HS6ST3: variants seen among roughly 807,000 people sequenced by gnomAD.
HS6ST3 encodes the protein heparan sulfate 6-O-sulfotransferase 3.
HS6ST3 carries 12 observed loss-of-function variants against 36.7 expected under a neutral mutation model. The ratio of observed to expected loss-of-function variants is 0.33; its 90% CI spans 0.21 to 0.53. HS6ST3 has a LOEUF of 0.53. Ranked by LOEUF, HS6ST3 falls within the 20% of genes least tolerant of loss-of-function variation. The pLI, the probability that HS6ST3 is intolerant of heterozygous loss-of-function variation, is 0.95. For synonymous variants in HS6ST3, 240 were observed against 257.5 expected, an observed-to-expected ratio of 0.93 and a Z score of 0.65; for missense variants, 584 against 640.9, an observed-to-expected ratio of 0.91 and a Z score of 0.96.
At chr13:96,306,400 G>T (rs2054913695) in intron 1 of HS6ST3, among the ~76,000 whole-genome samples, 1 of 151,978 alleles carries the variant, frequency 6.6e-6, no homozygotes, top group Non-Finnish European at 1.5e-5. Context: ...TAGTAGACAT[G>T]GGGTTTCATC....
intron 1 of HS6ST3, among the ~76,000 whole-genome samples, chr13:96,697,189 A>G (rs772189101): frequency 1.7e-4 from 26 of 151,764 alleles, no homozygotes; most frequent in Admixed American, 5.3e-4. Context: ...GTGTGTGTGT[A>G]TATATGTATA....
intron 1 of HS6ST3, among the ~76,000 whole-genome samples, chr13:96,110,955 C>T (rs1031704868): frequency 6.6e-6 from 1 of 152,162 alleles, no homozygotes; most frequent in East Asian, 1.9e-4. Context: ...ATTCTTCCCC[C>T]ATTTGTGTCC....
intron 1 of HS6ST3, among the ~76,000 whole-genome samples, chr13:96,766,436 C>A (rs1406042946): frequency 6.6e-6 from 1 of 152,072 alleles, no homozygotes; most frequent in African/African-American, 2.4e-5. Context: ...CCCCTATTTT[C>A]TTCAGGCAGA....
At chr13:96,718,288 A>C (rs533235690) in intron 1 of HS6ST3, among the ~76,000 whole-genome samples, 1 of 152,328 alleles carries the variant, frequency 6.6e-6, no homozygotes, top group East Asian at 1.9e-4. Context: ...GTGACCTATT[A>C]AATCTATAAA....
chr13:96,495,523 G>A (rs1267898817), intron 1 of HS6ST3, among the ~76,000 whole-genome samples: 7 of 152,268 alleles, frequency 4.6e-5, no homozygotes, highest in Non-Finnish European at 1.0e-4. Context: ...GGAGTAAGTG[G>A]GGAGATTGTT....
chr13:96,757,579 C>T (rs1305795701), intron 1 of HS6ST3, among the ~76,000 whole-genome samples: 1 of 152,102 alleles, frequency 6.6e-6, no homozygotes, highest in South Asian at 2.1e-4. Context: ...TTTCAATATT[C>T]TATCACCAAA....
intron 1 of HS6ST3, among the ~76,000 whole-genome samples, chr13:96,729,058 G>A (rs186322042): frequency 2.3e-4 from 35 of 152,244 alleles, no homozygotes; most frequent in East Asian, 5.8e-4. Flanking sequence ...GCTTTCTTTC[G>A]TTGTCTAATC....
intron 1 of HS6ST3, among the ~76,000 whole-genome samples, chr13:96,494,641 GAAACATCCTGTTTCA>G (rs1371570655): frequency 6.6e-6 from 1 of 151,190 alleles, no homozygotes; most frequent in East Asian, 1.9e-4. Context: ...TAGAAAATTT[GAAACATCCTGTTTCA>G]AAACACACAC....
At chr13:96,793,870 C>T (rs1359893880) in intron 1 of HS6ST3, among the ~76,000 whole-genome samples, 2 of 151,970 alleles carry the variant, frequency 1.3e-5, no homozygotes, top group Admixed American at 1.3e-4. Flanking sequence ...TTTATTTCCA[C>T]GCCAATGCTC....
At chr13:96,790,157 A>T (rs568513365) in intron 1 of HS6ST3, among the ~76,000 whole-genome samples, 2 of 151,894 alleles carry the variant, frequency 1.3e-5, no homozygotes, top group Admixed American at 6.6e-5. Context: ...AAGTTTACTA[A>T]CTTCATTTTG....
chr13:96,479,427 A>G (rs1801289484), intron 1 of HS6ST3, among the ~76,000 whole-genome samples: 1 of 152,178 alleles, frequency 6.6e-6, no homozygotes, highest in South Asian at 2.1e-4. Context: ...CCTTGAAGCA[A>G]TGGGGAATCA....
At chr13:96,180,032 G>A (rs1159827353) in intron 1 of HS6ST3, among the ~76,000 whole-genome samples, 4 of 152,072 alleles carry the variant, frequency 2.6e-5, no homozygotes, top group Non-Finnish European at 4.4e-5. Flanking sequence ...ATGGGGTTTC[G>A]CCTTGTTGGC....
At chr13:96,638,577 C>A (rs748025784) in intron 1 of HS6ST3, among the ~76,000 whole-genome samples, 5 of 151,782 alleles carry the variant, frequency 3.3e-5, no homozygotes, top group Non-Finnish European at 7.4e-5. Flanking sequence ...CTTGTGACAG[C>A]GAGTTCTCAT....
intron 1 of HS6ST3, among the ~76,000 whole-genome samples, chr13:96,154,800 C>T (rs529814623): frequency 1.3e-5 from 2 of 152,158 alleles, no homozygotes; most frequent in South Asian, 4.1e-4. Flanking sequence ...GATCTAGTGA[C>T]ATTGATTACT....
chr13:96,681,937 A>G (rs2056719656), intron 1 of HS6ST3, among the ~76,000 whole-genome samples: 1 of 152,092 alleles, frequency 6.6e-6, no homozygotes, highest in South Asian at 2.1e-4. Context: ...CATTACCCTC[A>G]GTGCAAAGTC....
intron 1 of HS6ST3, among the ~76,000 whole-genome samples, chr13:96,419,750 T>C (rs565643199): frequency 3.9e-5 from 6 of 152,284 alleles, no homozygotes; most frequent in African/African-American, 1.2e-4. Context: ...TTTGGCCTTC[T>C]TTGGCTGTGG....
intron 1 of HS6ST3, among the ~76,000 whole-genome samples, chr13:96,736,601 T>C (rs1876290867): frequency 6.6e-6 from 1 of 152,168 alleles, no homozygotes; most frequent in South Asian, 2.1e-4. Flanking sequence ...GTAGATTTAA[T>C]TCATGTAAGT....
At chr13:96,219,135 T>C (rs1364365822) in intron 1 of HS6ST3, among the ~76,000 whole-genome samples, 1 of 151,686 alleles carries the variant, frequency 6.6e-6, no homozygotes, top group Non-Finnish European at 1.5e-5. Context: ...AGAGCCACAC[T>C]AACTCCACTA....
At chr13:96,303,276 A>T (rs2054892795) in intron 1 of HS6ST3, among the ~76,000 whole-genome samples, 1 of 152,204 alleles carries the variant, frequency 6.6e-6, no homozygotes, top group African/African-American at 2.4e-5. Context: ...GTCAAAATCC[A>T]AGTTGACTCT....
Sources: gnomAD v4.1 joint callset for allele counts (sites outside exome capture counted in the v4.1 genomes callset) on GRCh38, gnomAD v4.1.1 for gene constraint, MANE v1.5 for transcripts, NCBI Gene and HGNC (gene_info 2026-07-23, HGNC 2026-07-21) for gene names.